The following PPM1F variants were observed in gnomAD, a reference collection of about 807,000 sequenced individuals.
PPM1F encodes protein phosphatase, Mg2+/Mn2+ dependent 1F.
In PPM1F, 17 loss-of-function variants were observed where a neutral mutation model predicts 35.5. The observed-to-expected ratio is 0.48, with a 90% confidence interval of 0.33 to 0.72. The LOEUF is 0.72. PPM1F is among the 30% of genes least tolerant of loss of function. The pLI is 0.02. For synonymous variants in PPM1F, 241 were observed against 255.5 expected (o/e 0.94, Z 0.54); for missense variants, 521 against 613.0 (o/e 0.85, Z 1.59).
intron 7 of PPM1F, among the ~76,000 whole-genome samples, chr22:21,924,321 G>C (rs887559797): frequency 5.3e-5 from 8 of 149,612 alleles, no homozygotes; most frequent in African/African-American, 2.0e-4. Context: ...AGGCTGCAGT[G>C]CAATGGTGCA....
Position 21,923,472 on chromosome 22 carries a change from C to A in PPM1F, c.986-1G>T. On this transcript the variant is annotated splice_acceptor_variant, in intron 7 of 7. Coordinates refer to ENST00000263212, the MANE Select transcript of PPM1F (RefSeq NM_014634.4). LOFTEE classifies it high-confidence loss of function. The stretch of plus-strand genomic sequence containing the variant: ...ACGTAGGGCTTCTGGAAGACATCCC[C>A]TGGACAGGCGGAGAAGAGCCCGGGT... 6.3e-7 allele frequency: 1 copy of A among 1,597,984 alleles called. No homozygotes were observed.
chr22:21,938,272 C>T (rs1426558250), intron 3 of PPM1F: 13 of 1,281,102 alleles, frequency 1.0e-5, no homozygotes, highest in Non-Finnish European at 1.2e-5. Context: ...TGGGCGGTGG[C>T]GGCGCCCCCT....
intron 2 of PPM1F, among the ~76,000 whole-genome samples, chr22:21,940,811 G>C (rs1303545155): frequency 6.6e-6 from 1 of 152,206 alleles, no homozygotes. Context: ...GGGCGGATGG[G>C]GCCATAGGAG....
intron 1 of PPM1F, chr22:21,952,492 C>G (rs537617381): frequency 1.3e-5 from 2 of 151,432 alleles, no homozygotes; most frequent in African/African-American, 2.4e-5. Context: ...GCCCTCGGCT[C>G]GGCCACACCC....
At chr22:21,951,113 T>C (rs1006711690) in intron 1 of PPM1F, 4 of 152,254 alleles carry the variant, frequency 2.6e-5, no homozygotes, top group South Asian at 2.1e-4. Context: ...CATAGTCACA[T>C]TGCTGTGCAA....
intron 7 of PPM1F, chr22:21,925,235 A>G (rs2070498069): frequency 5.0e-6 from 2 of 403,076 alleles, no homozygotes; most frequent in Non-Finnish European, 4.4e-6. Context: ...GATTGTCAGC[A>G]TGAACGCGGG....
intron 6 of PPM1F, 87 bp from the exon 7 acceptor site, chr22:21,925,749 C>T: frequency 9.3e-7 from 1 of 1,075,912 alleles, no homozygotes; most frequent in Non-Finnish European, 1.3e-6. Flanking sequence ...GGCACAGCTG[C>T]TTCTAAGACA....
At chr22:21,951,321 CTCGGT>C (rs1407515941) in intron 1 of PPM1F, 3 of 148,094 alleles carry the variant, frequency 2.0e-5, no homozygotes, top group Non-Finnish European at 4.5e-5. Flanking sequence ...TCTTAAAAGA[CTCGGT>C]TGGCTTCAGG....
rs2070462178 is a variant in PPM1F at position 21,922,828 on chromosome 22, A to G, written c.*264T>C. On this transcript the variant is annotated 3_prime_UTR_variant, in exon 8 of 8. Transcript: ENST00000263212. ...TGACCTCTGGTCCCACCCCGGGCCT[A>G]ATAGGAGCTGGGAGCAAGAGCCGGT... The G allele has an allele frequency of 4.4e-6, 2 of 459,318 alleles. No homozygotes were observed. Among genetic ancestry groups the G allele is most frequent in the Non-Finnish European group, 7.7e-6 (2 of 259,130 alleles). The allele number at this position is 459,318 out of a possible 1,614,324, so 28.5% of individuals were successfully genotyped here.
chr22:21,925,776 C>T, intron 6 of PPM1F, 114 bp from the exon 7 acceptor site: 1 of 783,054 alleles, frequency 1.3e-6, no homozygotes, highest in East Asian at 2.8e-5. Flanking sequence ...TTCAAAGCCG[C>T]AGCACTGGAA....
intron 3 of PPM1F, chr22:21,937,946 T>G: frequency 1.9e-6 from 1 of 515,252 alleles, no homozygotes; most frequent in Non-Finnish European, 2.9e-6. Flanking sequence ...TCAGTGGCAA[T>G]TCTTATAATA....
chr22:21,934,460 A>G (rs1284366151), intron 3 of PPM1F: 7 of 525,224 alleles, frequency 1.3e-5, no homozygotes, highest in African/African-American at 7.8e-5. Context: ...AACTCTACTC[A>G]TGGGAACCCA....
Position 21,919,875 on chromosome 22 carries a change from T to C in PPM1F, c.*3217A>G, listed in dbSNP as rs1269732837. 2 of 152,454 alleles carry C rather than the reference T, an allele frequency of 1.3e-5. No homozygotes were observed. The highest frequency in any genetic ancestry group is 1.9e-4 in the East Asian group (1 of 5,164). The allele number at this position is 152,454 out of a possible 1,614,324, so 9.4% of individuals were successfully genotyped here. A position where few individuals can be genotyped will look rare whatever the true frequency, so the allele number is the denominator to read the frequency against. ...CCCGGTGCCCACGCTGGGCTCACCATAGGAGAGGAGAGGAGAGGGAGGGGG... is the reference window on the plus strand; with the variant it reads ...CCCGGTGCCCACGCTGGGCTCACCACAGGAGAGGAGAGGAGAGGGAGGGGG... On this transcript the variant is annotated 3_prime_UTR_variant, in exon 8 of 8. Coordinates refer to ENST00000263212, the MANE Select transcript of PPM1F (RefSeq NM_014634.4).
In PPM1F at chr22:21,922,990, C is replaced by A; in HGVS notation, c.*102G>T. The A allele has an allele frequency of 4.9e-6, 7 of 1,436,122 alleles. No homozygotes were observed. The highest frequency in any genetic ancestry group is 4.7e-6 in the Non-Finnish European group (5 of 1,064,134). The allele number at this position is 1,436,122 out of a possible 1,614,324, so 89.0% of individuals were successfully genotyped here. The stretch of plus-strand genomic sequence containing the variant: ...GGGTGCTGGGGAAAGCACTGTGGGG[C>A]GGGCACCCTGTCCACTGCCTGCCAC... On this transcript the variant is annotated 3_prime_UTR_variant, in exon 8 of 8. Coordinates refer to ENST00000263212, the MANE Select transcript of PPM1F (RefSeq NM_014634.4).
chr22:21,946,660 T>C (rs1326526117), intron 1 of PPM1F: 1 of 151,690 alleles, frequency 6.6e-6, no homozygotes, highest in Non-Finnish European at 1.5e-5. Context: ...CAGGAAGGGA[T>C]CCCCAGAGGC....
At chr22:21,932,472 C>A (rs192092709) in intron 5 of PPM1F, among the ~76,000 whole-genome samples, 1 of 152,118 alleles carries the variant, frequency 6.6e-6, no homozygotes, top group African/African-American at 2.4e-5. Context: ...GTGCTCAGAG[C>A]GTGTGACAAA....
intron 1 of PPM1F, chr22:21,951,026 T>C (rs183810461): frequency 6.6e-6 from 1 of 152,206 alleles, no homozygotes; most frequent in East Asian, 1.9e-4. Context: ...CATATATAAA[T>C]TTTTTTTATT....
chr22:21,944,779 G>A (rs1391885928), intron 2 of PPM1F: 1 of 152,240 alleles, frequency 6.6e-6, no homozygotes, highest in African/African-American at 2.4e-5. Context: ...TAAATGAAGG[G>A]GAGGGCAAGG....
At chr22:21,927,953 T>G (rs796773168) in intron 6 of PPM1F, among the ~76,000 whole-genome samples, 7 of 126,994 alleles carry the variant, frequency 5.5e-5, no homozygotes, top group African/African-American at 9.0e-5. Context: ...TTTTTTTTTT[T>G]TTTTTTTTTT....
Sources: gnomAD v4.1 joint callset for allele counts (sites outside exome capture counted in the v4.1 genomes callset) on GRCh38, gnomAD v4.1.1 for gene constraint, MANE v1.5 for transcripts, NCBI Gene and HGNC (gene_info 2026-07-23, HGNC 2026-07-21) for gene names.